The following ZNF679 variants were observed in gnomAD, a reference collection of about 807,000 sequenced individuals.
ZNF679 encodes zinc finger protein 679.
A neutral mutation model predicts 13.4 loss-of-function variants in ZNF679; 10 were observed. The ratio of observed to expected loss-of-function variants is 0.75; its 90% CI spans 0.46 to 1.27. The LOEUF is 1.27. Ranked by LOEUF, ZNF679 falls within the 50% of genes most tolerant of loss-of-function variation. The pLI is 0.00. For synonymous variants in ZNF679, 179 were observed against 162.5 expected, an observed-to-expected ratio of 1.10 and a Z score of -0.77; for missense variants, 525 against 477.8, an observed-to-expected ratio of 1.10 and a Z score of -0.92.
intron 1 of ZNF679, among the ~76,000 whole-genome samples, chr7:64,231,922 A>G (rs956943554): frequency 6.6e-6 from 1 of 152,216 alleles, no homozygotes; most frequent in African/African-American, 2.4e-5. Flanking sequence ...TCCCAGCTGG[A>G]GGTATGGGAG....
At chr7:64,264,228 G>A (rs775842397) in intron 4 of ZNF679, among the ~76,000 whole-genome samples, 46 of 148,058 alleles carry the variant, frequency 3.1e-4, no homozygotes, top group Admixed American at 1.6e-3. Context: ...ACCTCTAAAT[G>A]TTACCACAAT....
At chr7:64,234,337 C>T (rs561585843) in intron 1 of ZNF679, among the ~76,000 whole-genome samples, 8 of 152,334 alleles carry the variant, frequency 5.3e-5, no homozygotes, top group Admixed American at 3.9e-4. Context: ...ATTCAGACCC[C>T]ACCTCTAGAG....
intron 2 of ZNF679, among the ~76,000 whole-genome samples, chr7:64,250,803 G>A (rs1787935422): frequency 6.6e-6 from 1 of 152,018 alleles, no homozygotes. Context: ...TGGCCAGGCT[G>A]GTCTCGAATG....
chr7:64,237,398 C>A (rs900060825), intron 1 of ZNF679, among the ~76,000 whole-genome samples: 1 of 152,160 alleles, frequency 6.6e-6, no homozygotes, highest in African/African-American at 2.4e-5. Context: ...GGAGAGGAGT[C>A]CGCCCTCAGA....
At position 64,266,332 on chromosome 7, in the gene ZNF679, T is replaced by A. The variant is rs1788148465; in HGVS notation, c.699T>A (p.Ile233=). The A allele has an allele frequency of 2.5e-6, 4 of 1,613,294 alleles. No individual in the cohort carries two copies. In the East Asian group the frequency reaches 8.9e-5, roughly 36 times the overall value. The part of the protein sequence containing the change: ...CSSTLSKHKR[I]HTGEKPYRCE... ...CAACCCTTTCTAAACATAAAAGAAT[T>A]CATACTGGAGAGAAACCCTACAGAT... The change falls in exon 5 of 5, where the codon ATT becomes ATA. Residue 233 remains isoleucine, a synonymous_variant. Transcript: ENST00000421025.
intron 1 of ZNF679, among the ~76,000 whole-genome samples, chr7:64,248,286 ATT>A (rs569032288): frequency 2.1e-5 from 3 of 144,848 alleles, no homozygotes; most frequent in Non-Finnish European, 4.6e-5. Flanking sequence ...GGCAAATACA[ATT>A]TTTTTTTTTT....
intron 1 of ZNF679, among the ~76,000 whole-genome samples, chr7:64,245,450 A>G (rs1256368047): frequency 6.6e-6 from 1 of 151,768 alleles, no homozygotes; most frequent in Non-Finnish European, 1.5e-5. Flanking sequence ...AGAGGGAGAG[A>G]GAGAGAGAGA....
In ZNF679 at chr7:64,228,500, T is replaced by G. The variant is rs1007085738; in HGVS notation, c.-243T>G. 7.9e-5 allele frequency: 12 copies of G among 152,228 alleles called. No individual in the cohort carries two copies. The highest frequency in any genetic ancestry group is 2.6e-4 in the Admixed American group (4 of 15,282). 9.4% of individuals were successfully genotyped at this position (152,228 alleles called of 1,614,324 possible). A position where few individuals can be genotyped will look rare whatever the true frequency, so the allele number is the denominator to read the frequency against. On this transcript the variant is annotated 5_prime_UTR_variant, in exon 1 of 5. Transcript: ENST00000421025. ...GTACTTGATCCAGGTATATGTCACATTCCCAACTGTTGGCTGGGCCCAAGC... is the reference window on the plus strand; with the variant it reads ...GTACTTGATCCAGGTATATGTCACAGTCCCAACTGTTGGCTGGGCCCAAGC...
chr7:64,255,303 C>A (rs993651893), intron 2 of ZNF679, among the ~76,000 whole-genome samples: 1 of 152,156 alleles, frequency 6.6e-6, no homozygotes, highest in Non-Finnish European at 1.5e-5. Flanking sequence ...GACATTGATG[C>A]GTCCACACCC....
chr7:64,252,715 CTTATTT>C (rs778194038), intron 2 of ZNF679, among the ~76,000 whole-genome samples: 5 of 152,092 alleles, frequency 3.3e-5, no homozygotes, highest in Non-Finnish European at 5.9e-5. Context: ...ATCCTGTTAT[CTTATTT>C]TTATTTTTAT....
chr7:64,244,006 C>T (rs2116521350), intron 1 of ZNF679, among the ~76,000 whole-genome samples: 1 of 152,160 alleles, frequency 6.6e-6, no homozygotes, highest in East Asian at 1.9e-4. Context: ...AATCCCAGCA[C>T]TTTGGCAGTC....
intron 1 of ZNF679, among the ~76,000 whole-genome samples, chr7:64,233,132 T>C (rs1239631076): frequency 6.6e-6 from 1 of 151,872 alleles, no homozygotes; most frequent in African/African-American, 2.4e-5. Flanking sequence ...TCCCAGGTAC[T>C]TGGGAGGCTG....
chr7:64,264,695 C>G (rs557814972), intron 4 of ZNF679, among the ~76,000 whole-genome samples: 1 of 152,012 alleles, frequency 6.6e-6, no homozygotes, highest in African/African-American at 2.4e-5. Context: ...GTACACAGTT[C>G]TTTTCTGACC....
chr7:64,266,418 A>G lies in ZNF679; in HGVS notation c.785A>G (p.His262Arg). Residue 262 changes from histidine to arginine, a missense_variant, in exon 5 of 5, where the codon CAT becomes CGT. Physicochemically the swap from His to Arg is conservative, Grantham distance 29 (BLOSUM62 0). Transcript: ENST00000421025. ...SSTLTKHRRI[H>R]TGEKPYTCEE... is the part of the protein sequence containing the mutation. The stretch of plus-strand genomic sequence containing the variant: ...ACCCTTACTAAACATAGGAGAATTC[A>G]TACTGGAGAAAAACCCTACACATGT... 1.2e-6 allele frequency: 2 copies of G among 1,613,064 alleles called. No individual in the cohort carries two copies. The highest frequency in any genetic ancestry group is 1.7e-6 in the Non-Finnish European group (2 of 1,179,494).
intron 2 of ZNF679, 45 bp from the exon 3 acceptor site, chr7:64,260,176 T>A: frequency 6.5e-7 from 1 of 1,541,046 alleles, no homozygotes; most frequent in Non-Finnish European, 8.8e-7. Flanking sequence ...TAGTAAGTGT[T>A]TGTGTGTTCA....
At chr7:64,253,978 A>G (rs1182104834) in intron 2 of ZNF679, among the ~76,000 whole-genome samples, 1 of 152,214 alleles carries the variant, frequency 6.6e-6, no homozygotes, top group Non-Finnish European at 1.5e-5. Flanking sequence ...AGAAAAGTAG[A>G]AATTTGCAGA....
In ZNF679 at chr7:64,266,883, A is replaced by G; in HGVS notation, c.*14A>G. 1.9e-6 allele frequency: 3 copies of G among 1,541,596 alleles called. No individual in the cohort carries two copies. On this transcript the variant is annotated 3_prime_UTR_variant, in exon 5 of 5. Transcript: ENST00000421025. ...AAATGTGAATAATGTGATAAAGTCC[A>G]GCCTTCAGACCTTATAATACATAAA...
intron 1 of ZNF679, among the ~76,000 whole-genome samples, chr7:64,242,311 C>G (rs1210070529): frequency 6.6e-6 from 1 of 152,216 alleles, no homozygotes; most frequent in African/African-American, 2.4e-5. Flanking sequence ...TTGCTGGTCC[C>G]TGTTATGACA....
intron 1 of ZNF679, among the ~76,000 whole-genome samples, chr7:64,231,488 A>T (rs1787638393): frequency 6.6e-6 from 1 of 152,142 alleles, no homozygotes; most frequent in Non-Finnish European, 1.5e-5. Flanking sequence ...TAGGCAAAGC[A>T]TTATGTCTCA....
Sources: allele counts gnomAD v4.1 joint callset (sites outside exome capture counted in the v4.1 genomes callset), GRCh38; gene constraint gnomAD v4.1.1; transcripts MANE v1.5; gene names NCBI Gene and HGNC (gene_info 2026-07-23, HGNC 2026-07-21).